Variants in EXOC4 observed in about 807,000 individuals in gnomAD.
EXOC4 encodes SEC8-like 1.
Under a neutral mutation model 107.2 loss-of-function variants are expected in EXOC4, and 71 were observed. The ratio of observed to expected loss-of-function variants is 0.66; its 90% confidence interval spans 0.55 to 0.81. The LOEUF (loss-of-function observed/expected upper bound fraction) is 0.81. EXOC4 is among the 30% of genes least tolerant of loss of function. EXOC4 has a pLI of 0.00. For missense variants in EXOC4, 1,108 were observed against 1,189.6 expected (o/e 0.93, Z 1.01); for synonymous variants, 456 against 441.2 (o/e 1.03, Z -0.42).
intron 10 of EXOC4, among the ~76,000 whole-genome samples, chr7:133,772,576 C>A (rs567649688): frequency 5.8e-4 from 88 of 151,556 alleles, no homozygotes; most frequent in South Asian, 4.6e-3. Context: ...TAGTACTTAA[C>A]CTAAATTTTT....
rs11296621 is a variant in EXOC4, at chr7:133,785,387, A to ATT, written c.1515-31933_1515-31932dup. Among the ~76,000 whole-genome samples, 15 of 152,064 alleles carry ATT rather than the reference A, an allele frequency of 9.9e-5. No individual in the cohort carries two copies. The East Asian group carries it at 1.4e-3, about 14-fold the overall frequency. ...TAGAATTCAGAAATGTTTTTAATTG[A>ATT]TTTTTTCTTCCCATGTGTGTCTCAT... is the stretch of plus-strand genomic sequence containing the variant. On this transcript the variant is annotated intron_variant, in intron 10 of 17. Coordinates refer to ENST00000253861, the MANE Select transcript of EXOC4 (RefSeq NM_021807.4).
intron 9 of EXOC4, among the ~76,000 whole-genome samples, chr7:133,529,675 G>T (rs950889427): frequency 2.6e-5 from 4 of 152,100 alleles, no homozygotes; most frequent in African/African-American, 7.2e-5. Context: ...GCTGAGTTAT[G>T]TATAAATTTA....
chr7:133,279,715 C>T (rs1021651957), intron 2 of EXOC4, among the ~76,000 whole-genome samples: 2 of 152,096 alleles, frequency 1.3e-5, no homozygotes, highest in African/African-American at 4.8e-5. Flanking sequence ...GACTGGGTCT[C>T]CCTATGTTAC....
chr7:134,074,393 G>C, the EXOC4 span, among the ~76,000 whole-genome samples: 60 of 152,136 alleles, frequency 3.9e-4, no homozygotes, highest in Non-Finnish European at 7.2e-4. Flanking sequence ...AAGAGAGCCT[G>C]GACTCAAGAG....
intron 17 of EXOC4, among the ~76,000 whole-genome samples, chr7:134,027,746 T>C (rs1025124701): frequency 4.0e-5 from 6 of 151,508 alleles, no homozygotes; most frequent in Admixed American, 2.6e-4. Flanking sequence ...AGAGACGGGA[T>C]TTGAATTTGG....
intron 9 of EXOC4, chr7:133,576,974 T>G: frequency 1.3e-6 from 1 of 748,824 alleles, no homozygotes; most frequent in South Asian, 1.6e-5. Flanking sequence ...GTGAGAAAGA[T>G]AATATGCCCG....
At chr7:133,702,195 A>G (rs564101722) in intron 10 of EXOC4, among the ~76,000 whole-genome samples, 121 of 151,478 alleles carry the variant, frequency 8.0e-4, no homozygotes, top group African/African-American at 2.8e-3. Flanking sequence ...AGCAAAATAT[A>G]TAACATACCA....
the EXOC4 span, among the ~76,000 whole-genome samples, chr7:134,072,634 G>A: frequency 2.6e-5 from 4 of 152,186 alleles, no homozygotes; most frequent in Non-Finnish European, 4.4e-5. Context: ...TTTGGGAGTA[G>A]CGTGTCCTGA....
At chr7:133,616,512 G>A (rs1802198550) in intron 9 of EXOC4, among the ~76,000 whole-genome samples, 1 of 152,110 alleles carries the variant, frequency 6.6e-6, no homozygotes, top group Non-Finnish European at 1.5e-5. Flanking sequence ...TCAGATACTT[G>A]TTTTGAGGTA....
At chr7:133,967,694 G>A (rs1417423054) in intron 14 of EXOC4, among the ~76,000 whole-genome samples, 2 of 152,008 alleles carry the variant, frequency 1.3e-5, no homozygotes, top group African/African-American at 2.4e-5. Context: ...TCCCAGAGAC[G>A]GTTTGTTATG....
chr7:133,638,993 T>C (rs980289614), intron 10 of EXOC4, among the ~76,000 whole-genome samples: 1 of 152,200 alleles, frequency 6.6e-6, no homozygotes. Context: ...ATTCTGAACA[T>C]GTGTTCGTCT....
chr7:133,925,557 A>G (rs746450997), intron 13 of EXOC4, among the ~76,000 whole-genome samples: 2 of 152,160 alleles, frequency 1.3e-5, no homozygotes, highest in African/African-American at 2.4e-5. Context: ...GGCCATGTGT[A>G]TTAGAAAAAC....
intron 10 of EXOC4, among the ~76,000 whole-genome samples, chr7:133,747,196 C>T (rs1331809992): frequency 6.6e-6 from 1 of 152,110 alleles, no homozygotes; most frequent in Non-Finnish European, 1.5e-5. Flanking sequence ...TTTTCTGAGC[C>T]CTTAACTCCA....
intron 10 of EXOC4, among the ~76,000 whole-genome samples, chr7:133,709,289 A>G (rs62471413): frequency 0.12 from 18,200 of 152,242 alleles, 1,168 homozygotes; most frequent in Middle Eastern, 0.17. Flanking sequence ...GTAGGAGATG[A>G]CATCAAGGAG....
chr7:133,856,239 T>C (rs1348924370), intron 11 of EXOC4, among the ~76,000 whole-genome samples: 2 of 152,224 alleles, frequency 1.3e-5, no homozygotes, highest in African/African-American at 4.8e-5. Flanking sequence ...AGCACCTATA[T>C]GGGAATTCAA....
At chr7:134,030,725 A>G (rs1427820032) in intron 17 of EXOC4, among the ~76,000 whole-genome samples, 2 of 116,118 alleles carry the variant, frequency 1.7e-5, no homozygotes, top group Non-Finnish European at 3.3e-5. Context: ...AGTCCTGCAC[A>G]CGACTGATCA....
In EXOC4 at chr7:133,616,086, A is replaced by G. The variant is rs576280167; in HGVS notation, c.1418-13959A>G. ...TTACCTATCTTATTAATATTGGCCT[A>G]TTTTGTAGAGGAACAGTGTCCTGTT... On this transcript the variant is annotated intron_variant, in intron 9 of 17. Transcript: ENST00000253861. Among the ~76,000 whole-genome samples the G allele has an allele frequency of 6.6e-5, 10 of 152,246 alleles. No individual in the cohort carries two copies. In the South Asian group the frequency reaches 1.0e-3, roughly 16 times the overall value.
chr7:133,374,053 G>T (rs1294110184), intron 6 of EXOC4, among the ~76,000 whole-genome samples: 2 of 152,104 alleles, frequency 1.3e-5, no homozygotes, highest in East Asian at 3.8e-4. Context: ...CAGTGGTAGA[G>T]GAATTATTTT....
At chr7:133,272,014 A>G (rs1793883953) in intron 1 of EXOC4, among the ~76,000 whole-genome samples, 1 of 151,984 alleles carries the variant, frequency 6.6e-6, no homozygotes, top group African/African-American at 2.4e-5. Context: ...TTATGGAAAA[A>G]CGCTACTGTC....
Sources: gnomAD v4.1 joint callset for allele counts (sites outside exome capture counted in the v4.1 genomes callset) on GRCh38, gnomAD v4.1.1 for gene constraint, MANE v1.5 for transcripts, NCBI Gene and HGNC (gene_info 2026-07-23, HGNC 2026-07-21) for gene names.